The following TRPC7 variants were observed in gnomAD, a reference collection of about 807,000 sequenced individuals.
The protein encoded by TRPC7 is transient receptor potential cation channel subfamily C member 7, also known as short transient receptor potential channel 7.
Under a neutral mutation model 90.1 loss-of-function variants are expected in TRPC7, and 42 were observed. The ratio of observed to expected loss-of-function variants is 0.47; its 90% CI spans 0.36 to 0.60. The LOEUF (loss-of-function observed/expected upper bound fraction) is 0.60, where lower values mean the gene tolerates loss of function less well. TRPC7 is among the 20% of genes least tolerant of loss of function. The pLI, the probability that TRPC7 is intolerant of heterozygous loss-of-function variation, is 0.00. For missense variants in TRPC7, 955 were observed against 1,112.3 expected (o/e 0.86, Z 2.01); for synonymous variants, 451 against 436.3 (o/e 1.03, Z -0.42).
chr5:136,326,287 G>A (rs1191718381), intron 2 of TRPC7, among the ~76,000 whole-genome samples: 1 of 152,172 alleles, frequency 6.6e-6, no homozygotes, highest in Non-Finnish European at 1.5e-5. Flanking sequence ...ACAACTCATT[G>A]TCAAGACCCT....
chr5:136,354,157 C>T (rs1002196126), intron 2 of TRPC7, among the ~76,000 whole-genome samples: 1 of 152,136 alleles, frequency 6.6e-6, no homozygotes, highest in Non-Finnish European at 1.5e-5. Context: ...TTTCGCACGG[C>T]CAATGCAGAA....
chr5:136,264,593 T>TG (rs1311750850), intron 5 of TRPC7, among the ~76,000 whole-genome samples: 1 of 151,944 alleles, frequency 6.6e-6, no homozygotes, highest in Non-Finnish European at 1.5e-5. Context: ...TGTTTTTTTT[T>TG]TTGTTTGTTT....
chr5:136,287,076 G>A (rs958923007), intron 3 of TRPC7, among the ~76,000 whole-genome samples: 12 of 152,046 alleles, frequency 7.9e-5, no homozygotes, highest in South Asian at 2.1e-4. Flanking sequence ...GCCGCCTACC[G>A]CTCCCTAAGC....
chr5:136,325,645 A>G (rs1759322975), intron 2 of TRPC7, among the ~76,000 whole-genome samples: 1 of 152,060 alleles, frequency 6.6e-6, no homozygotes, highest in African/African-American at 2.4e-5. Context: ...GAGGCAGGGA[A>G]CTTAAGGCCA....
chr5:136,307,148 T>C, intron 3 of TRPC7, among the ~76,000 whole-genome samples: 1 of 152,384 alleles, frequency 6.6e-6, no homozygotes. Flanking sequence ...TGGTGAGACA[T>C]GAAAATTTAC....
intron 7 of TRPC7, among the ~76,000 whole-genome samples, chr5:136,234,106 T>C (rs140470312): frequency 1.3e-5 from 2 of 152,158 alleles, no homozygotes; most frequent in Non-Finnish European, 2.9e-5. Context: ...TTCCAGACAA[T>C]CTTCAGTACT....
chr5:136,290,074 T>G (rs963862618), intron 3 of TRPC7, among the ~76,000 whole-genome samples: 2 of 152,148 alleles, frequency 1.3e-5, no homozygotes, highest in African/African-American at 4.8e-5. Flanking sequence ...GACCTGCAGC[T>G]GAGGGTCCTG....
intron 7 of TRPC7, among the ~76,000 whole-genome samples, chr5:136,242,939 C>A (rs1756215745): frequency 6.6e-6 from 1 of 152,156 alleles, no homozygotes; most frequent in South Asian, 2.1e-4. Flanking sequence ...TTTAATCCAT[C>A]CATTTTCTTC....
At chr5:136,326,926 G>T (rs923643622) in intron 2 of TRPC7, among the ~76,000 whole-genome samples, 3 of 152,192 alleles carry the variant, frequency 2.0e-5, no homozygotes, top group Admixed American at 6.5e-5. Flanking sequence ...GAGGTTAGAA[G>T]ACCTGGGGGG....
At chr5:136,337,602 G>T (rs1458171389) in intron 2 of TRPC7, among the ~76,000 whole-genome samples, 5 of 151,476 alleles carry the variant, frequency 3.3e-5, no homozygotes, top group Admixed American at 2.0e-4. Flanking sequence ...GGAGACAGAG[G>T]TTGCAGTGAG....
rs376253806 is a variant in TRPC7, at chr5:136,274,665, G to A, written c.1128+8C>T. 6.2e-6 allele frequency: 10 copies of A among 1,611,230 alleles called. No individual in the cohort carries two copies. In the African/African-American group the frequency reaches 1.1e-4, roughly 17 times the overall value. On this transcript the variant is annotated splice_region_variant and intron_variant, in intron 4 of 11. Coordinates refer to ENST00000513104, the MANE Select transcript of TRPC7 (RefSeq NM_020389.3). Reference sequence around the variant, plus strand: ...CCGCAAACGACATGCACCTTAAGCAGTCTGTACCTTGCTGCACGGAGCAAT... The same window carrying A: ...CCGCAAACGACATGCACCTTAAGCAATCTGTACCTTGCTGCACGGAGCAAT...
At chr5:136,309,883 T>C (rs950169912) in intron 3 of TRPC7, among the ~76,000 whole-genome samples, 8 of 152,350 alleles carry the variant, frequency 5.3e-5, no homozygotes, top group African/African-American at 1.9e-4. Flanking sequence ...ACTTGCTCCA[T>C]CTTCACCCCT....
chr5:136,319,765 C>T (rs986598292), intron 2 of TRPC7, among the ~76,000 whole-genome samples: 3 of 152,170 alleles, frequency 2.0e-5, no homozygotes, highest in Non-Finnish European at 4.4e-5. Context: ...CTCCTTGATA[C>T]ATACTCTTCA....
At chr5:136,251,985 C>CCAAAGAGCTGATA in intron 5 of TRPC7, 103 bp from the exon 6 acceptor site, 2 of 926,852 alleles carry the variant, frequency 2.2e-6, no homozygotes, top group Non-Finnish European at 3.4e-6. Flanking sequence ...AATATCAGCT[C>CCAAAGAGCTGATA]TTTGGAGCTG....
At chr5:136,233,437 C>T (rs1482087687) in intron 7 of TRPC7, among the ~76,000 whole-genome samples, 2 of 152,064 alleles carry the variant, frequency 1.3e-5, no homozygotes, top group Non-Finnish European at 2.9e-5. Flanking sequence ...GTACTGTGTC[C>T]CATTATGAAC....
At chr5:136,230,053 G>T (rs1554108281) in intron 8 of TRPC7, among the ~76,000 whole-genome samples, 1 of 152,164 alleles carries the variant, frequency 6.6e-6, no homozygotes, top group Non-Finnish European at 1.5e-5. Flanking sequence ...TTCTCATGCT[G>T]GATGTACAGT....
At chr5:136,219,929 A>G (rs1177049960) in intron 10 of TRPC7, among the ~76,000 whole-genome samples, 3 of 152,190 alleles carry the variant, frequency 2.0e-5, no homozygotes, top group Non-Finnish European at 2.9e-5. Flanking sequence ...CACAGAGGAT[A>G]TTGTTGCGGG....
chr5:136,332,184 G>A (rs1468303793), intron 2 of TRPC7, among the ~76,000 whole-genome samples: 1 of 41,128 alleles, frequency 2.4e-5, no homozygotes, highest in African/African-American at 6.1e-5. Context: ...GAGGGTCCCC[G>A]TGCTAAGAGG....
intron 3 of TRPC7, among the ~76,000 whole-genome samples, chr5:136,314,584 G>T (rs1046771722): frequency 6.6e-6 from 1 of 152,104 alleles, no homozygotes; most frequent in East Asian, 1.9e-4. Flanking sequence ...AAGTAAAAGG[G>T]CAGGAAGATT....
Sources: gnomAD v4.1 joint callset for allele counts (sites outside exome capture counted in the v4.1 genomes callset) on GRCh38, gnomAD v4.1.1 for gene constraint, MANE v1.5 for transcripts, NCBI Gene and HGNC (gene_info 2026-07-23, HGNC 2026-07-21) for gene names.